The following PPARGC1A variants were observed in gnomAD, a reference collection of about 807,000 sequenced individuals.
PPARGC1A encodes peroxisome proliferator-activated receptor gamma coactivator 1-alpha.
In PPARGC1A, 25 loss-of-function variants were observed where a neutral mutation model predicts 88.7. The observed-to-expected ratio is 0.28, with a 90% confidence interval of 0.21 to 0.39. The LOEUF is 0.39. PPARGC1A is among the 10% of genes least tolerant of loss of function. PPARGC1A has a pLI of 1.00. For missense variants in PPARGC1A, 880 were observed against 968.7 expected, an observed-to-expected ratio of 0.91 and a Z score of 1.22; for synonymous variants, 363 against 355.6, an observed-to-expected ratio of 1.02 and a Z score of -0.24.
At chr4:24,384,944 T>C in the PPARGC1A span, among the ~76,000 whole-genome samples, 3 of 152,200 alleles carry the variant, frequency 2.0e-5, no homozygotes, top group African/African-American at 7.2e-5. Context: ...ATATACATTC[T>C]TCTCAGCACC....
chr4:23,984,894 A>T, the PPARGC1A span, among the ~76,000 whole-genome samples: 1 of 152,058 alleles, frequency 6.6e-6, no homozygotes, highest in African/African-American at 2.4e-5. Context: ...GGATGTAGAG[A>T]GCAATTTCCC....
chr4:24,098,941 G>C, the PPARGC1A span, among the ~76,000 whole-genome samples: 1 of 152,252 alleles, frequency 6.6e-6, no homozygotes, highest in South Asian at 2.1e-4. Context: ...ACCAGGTGAA[G>C]ACATTCAATA....
the PPARGC1A span, among the ~76,000 whole-genome samples, chr4:24,055,452 G>A: frequency 6.6e-6 from 1 of 152,100 alleles, no homozygotes; most frequent in Non-Finnish European, 1.5e-5. Context: ...AGGAAGGAGG[G>A]AGAAACAAAG....
At chr4:24,074,199 G>A in the PPARGC1A span, among the ~76,000 whole-genome samples, 2 of 152,158 alleles carry the variant, frequency 1.3e-5, no homozygotes, top group East Asian at 1.9e-4. Context: ...CCAGAAAGAC[G>A]AGAGAAGATA....
chr4:24,374,220 T>C, the PPARGC1A span, among the ~76,000 whole-genome samples: 2 of 152,194 alleles, frequency 1.3e-5, no homozygotes, highest in African/African-American at 4.8e-5. Flanking sequence ...CCCAAGTTGG[T>C]ATTTCTTTTC....
chr4:23,970,644 C>A, the PPARGC1A span, among the ~76,000 whole-genome samples: 1 of 152,076 alleles, frequency 6.6e-6, no homozygotes, highest in African/African-American at 2.4e-5. Context: ...TGGAGTCATG[C>A]GCTATGTTCT....
the PPARGC1A span, among the ~76,000 whole-genome samples, chr4:24,318,658 C>A: frequency 6.6e-6 from 1 of 152,206 alleles, no homozygotes; most frequent in Non-Finnish European, 1.5e-5. Context: ...AAAAGTATTA[C>A]CAGGCTATCG....
the PPARGC1A span, among the ~76,000 whole-genome samples, chr4:24,013,479 T>C: frequency 1.3e-5 from 2 of 152,056 alleles, no homozygotes; most frequent in African/African-American, 4.8e-5. Flanking sequence ...CTATCAAAAG[T>C]TCACAAGTGG....
chr4:24,117,243 A>G, the PPARGC1A span, among the ~76,000 whole-genome samples: 970 of 152,244 alleles, frequency 6.4e-3, 9 homozygotes, highest in African/African-American at 0.02. Flanking sequence ...CAGCTTCATG[A>G]CCTTGAGATC....
the PPARGC1A span, among the ~76,000 whole-genome samples, chr4:24,373,576 T>C: frequency 5.3e-5 from 8 of 152,190 alleles, no homozygotes; most frequent in Admixed American, 5.2e-4. Flanking sequence ...TGTCTCTTAC[T>C]ATCAGAAAAC....
At chr4:24,128,531 AGTGTGTGTGTGTGTGT>A in the PPARGC1A span, among the ~76,000 whole-genome samples, 672 of 138,266 alleles carry the variant, frequency 4.9e-3, 5 homozygotes, top group African/African-American at 0.014. Flanking sequence ...AGCCTGTCAC[AGTGTGTGTGTGTGTGT>A]GTGTGTGTGT....
chr4:24,262,029 G>T, the PPARGC1A span, among the ~76,000 whole-genome samples: 1 of 152,050 alleles, frequency 6.6e-6, no homozygotes, highest in Non-Finnish European at 1.5e-5. Flanking sequence ...GTTATCTCTG[G>T]GGCAAGCAGT....
chr4:24,017,596 G>A, the PPARGC1A span, among the ~76,000 whole-genome samples: 6 of 152,238 alleles, frequency 3.9e-5, no homozygotes, highest in African/African-American at 1.4e-4. Context: ...AGAAATGGGT[G>A]TCTCAGAAAA....
chr4:24,011,450 C>T, the PPARGC1A span, among the ~76,000 whole-genome samples: 73 of 152,284 alleles, frequency 4.8e-4, no homozygotes, highest in Admixed American at 9.2e-4. Flanking sequence ...ACTTTCACTC[C>T]TATACTCAGA....
chr4:24,016,672 C>T, the PPARGC1A span, among the ~76,000 whole-genome samples: 14 of 152,226 alleles, frequency 9.2e-5, no homozygotes, highest in African/African-American at 2.6e-4. Context: ...ACTAGACAGG[C>T]CCCAATAGAA....
the PPARGC1A span, among the ~76,000 whole-genome samples, chr4:24,358,610 G>A: frequency 6.6e-6 from 1 of 152,162 alleles, no homozygotes; most frequent in South Asian, 2.1e-4. Flanking sequence ...CTTTCCCCTT[G>A]ATAAAACTGT....
At chr4:24,467,685 A>G in the PPARGC1A span, among the ~76,000 whole-genome samples, 2 of 151,990 alleles carry the variant, frequency 1.3e-5, no homozygotes, top group Non-Finnish European at 2.9e-5. Context: ...ATGGGCAGTC[A>G]GCACAAGCTT....
the PPARGC1A span, among the ~76,000 whole-genome samples, chr4:24,156,736 CT>C: frequency 0.036 from 5,031 of 139,338 alleles, 186 homozygotes; most frequent in African/African-American, 0.1. Flanking sequence ...TTCTCTCTCT[CT>C]TTTTTTTTTT....
chr4:24,347,079 G>A, the PPARGC1A span, among the ~76,000 whole-genome samples: 1 of 152,102 alleles, frequency 6.6e-6, no homozygotes, highest in African/African-American at 2.4e-5. Context: ...GGTTTTGAAG[G>A]TTCCTTTTGG....
Sources: gnomAD v4.1 joint callset for allele counts (sites outside exome capture counted in the v4.1 genomes callset) on GRCh38, gnomAD v4.1.1 for gene constraint, MANE v1.5 for transcripts, NCBI Gene and HGNC (gene_info 2026-07-23, HGNC 2026-07-21) for gene names.